The following WDR11 variants were observed in gnomAD, a reference collection of about 807,000 sequenced individuals.
WDR11 encodes the protein WD repeat domain 11, also known as WD repeat-containing protein 11.
WDR11 carries 83 observed loss-of-function variants against 151.2 expected under a neutral mutation model. The observed-to-expected ratio is 0.55, with a 90% confidence interval of 0.46 to 0.66. The LOEUF is 0.66. Ranked by LOEUF, WDR11 falls within the 30% of genes least tolerant of loss-of-function variation. The pLI is 0.00. For missense variants in WDR11, 1,301 were observed against 1,480.9 expected, an observed-to-expected ratio of 0.88 and a Z score of 1.99; for synonymous variants, 484 against 533.1, an observed-to-expected ratio of 0.91 and a Z score of 1.27.
Position 120,902,298 on chromosome 10 carries a change from T to G in WDR11, c.2729T>G (p.Leu910Trp), listed in dbSNP as rs1379256182. 1 of 1,614,026 alleles carries G rather than the reference T, an allele frequency of 6.2e-7. No individual in the cohort carries two copies. The highest frequency in any genetic ancestry group is 8.5e-7 in the Non-Finnish European group (1 of 1,179,994). The change falls in exon 22 of 29, where the codon TTG (leucine) becomes TGG (tryptophan). Residue 910 changes from leucine to tryptophan, a missense_variant. Leu to Trp is a moderately conservative substitution (Grantham distance 61, BLOSUM62 -2). Coordinates refer to ENST00000263461, the MANE Select transcript of WDR11 (RefSeq NM_018117.12). ...TTGCTTGATCCAGAATTCACTCTCTTGCAGAGGTGCCTGCTTGTTTCAAGG... is the reference window on the plus strand; with the variant it reads ...TTGCTTGATCCAGAATTCACTCTCTGGCAGAGGTGCCTGCTTGTTTCAAGG... The part of the protein sequence containing the change: ...KLLLDPEFTL[L>W]QRCLLVSRLY...
chr10:120,894,605 C>A (rs1281812716), intron 19 of WDR11, among the ~76,000 whole-genome samples: 1 of 152,162 alleles, frequency 6.6e-6, no homozygotes, highest in African/African-American at 2.4e-5. Context: ...CTTAATGTTG[C>A]CATTTCCAAG....
At chr10:120,892,814 C>T (rs777585355) in intron 19 of WDR11, among the ~76,000 whole-genome samples, 2 of 152,072 alleles carry the variant, frequency 1.3e-5, no homozygotes, top group Non-Finnish European at 2.9e-5. Context: ...CCTTTCTTAT[C>T]GGCTGCCTAA....
chr10:120,883,666 C>A, intron 13 of WDR11, 114 bp from the exon 14 acceptor site: 1 of 813,620 alleles, frequency 1.2e-6, no homozygotes, highest in Non-Finnish European at 2.1e-6. Flanking sequence ...TTTAAATTGT[C>A]TATATTTAGA....
chr10:120,904,616 CATA>C, intron 24 of WDR11, 27 bp from the exon 25 acceptor site: 1 of 1,613,716 alleles, frequency 6.2e-7, no homozygotes, highest in Non-Finnish European at 8.5e-7. Flanking sequence ...AAAATGTTCT[CATA>C]ATTAGAAAAA....
Position 120,852,608 on chromosome 10 carries a change from A to C in WDR11, c.171A>C (p.Leu57Phe), listed in dbSNP as rs530917765. 1.9e-6 allele frequency: 3 copies of C among 1,614,042 alleles called. No homozygotes were observed. Among genetic ancestry groups the C allele is most frequent in the Non-Finnish European group, 2.5e-6 (3 of 1,179,956 alleles). The change falls in exon 2 of 29, where the codon TTA becomes TTC. Residue 57 changes from leucine to phenylalanine, a missense_variant. Physicochemically the swap from Leu to Phe is conservative, Grantham distance 22. This residue lies in a region of WDR11 where 692 missense variants were observed against 762.5 expected (regional missense o/e 0.91). Coordinates refer to ENST00000263461, the MANE Select transcript of WDR11 (RefSeq NM_018117.12). Reference sequence around the variant, plus strand: ...TTACTGCCCAAACTCTTCAAGTTTTAGAAAAGCATAAAGCTGATGTTGTAA... The same window carrying C: ...TTACTGCCCAAACTCTTCAAGTTTTCGAAAAGCATAAAGCTGATGTTGTAA... ...DSITAQTLQVLEKHKADVVKV... is the reference protein window; with the variant it reads ...DSITAQTLQVFEKHKADVVKV...
At chr10:120,874,472 C>G (rs1006581168) in intron 11 of WDR11, among the ~76,000 whole-genome samples, 2 of 151,606 alleles carry the variant, frequency 1.3e-5, no homozygotes, top group Non-Finnish European at 2.9e-5. Flanking sequence ...ATACATGTGC[C>G]TTGGTGGTTT....
chr10:120,883,132 TTG>T (rs947460016), intron 13 of WDR11, among the ~76,000 whole-genome samples: 8 of 152,128 alleles, frequency 5.3e-5, no homozygotes, highest in African/African-American at 1.9e-4. Context: ...CTACTTTCTG[TTG>T]GGGTCACACA....
At position 120,906,827 on chromosome 10, in the gene WDR11, T is replaced by C; in HGVS notation, c.3489T>C (p.Tyr1163=). 6.2e-7 allele frequency: 1 copy of C among 1,614,204 alleles called. No individual in the cohort carries two copies. The part of the protein sequence containing the change: ...AALFVEACLK[Y]GAFEVTEDTE... Reference sequence around the variant, plus strand: ...TATTTGTGGAAGCTTGCCTCAAGTATGGAGCATTTGAAGTCACTGAGGACA... The same window carrying C: ...TATTTGTGGAAGCTTGCCTCAAGTACGGAGCATTTGAAGTCACTGAGGACA... The change falls in exon 28 of 29, where the codon TAT becomes TAC. Residue 1163 remains tyrosine (Y), a synonymous_variant. Transcript: ENST00000263461.
At chr10:120,853,278 T>G (rs1845842336) in intron 2 of WDR11, among the ~76,000 whole-genome samples, 1 of 152,080 alleles carries the variant, frequency 6.6e-6, no homozygotes, top group African/African-American at 2.4e-5. Flanking sequence ...GGATTTTTTT[T>G]TTTTTTAGAC....
intron 19 of WDR11, among the ~76,000 whole-genome samples, chr10:120,898,816 C>A (rs1847705447): frequency 6.9e-6 from 1 of 145,186 alleles, no homozygotes; most frequent in African/African-American, 2.6e-5. Context: ...GTCAATTAAA[C>A]CTCTTCTCTT....
intron 19 of WDR11, among the ~76,000 whole-genome samples, chr10:120,899,470 C>T (rs1273371906): frequency 6.6e-6 from 1 of 152,062 alleles, no homozygotes; most frequent in African/African-American, 2.4e-5. Context: ...GTATACCACA[C>T]AGGATACTTA....
At chr10:120,882,409 TTC>T (rs1484803546) in intron 13 of WDR11, among the ~76,000 whole-genome samples, 2 of 152,018 alleles carry the variant, frequency 1.3e-5, no homozygotes, top group Non-Finnish European at 2.9e-5. Context: ...TTGTAAAGTA[TTC>T]TCTCTCCTTT....
At chr10:120,875,925 CATT>C (rs1178646398) in intron 11 of WDR11, among the ~76,000 whole-genome samples, 2 of 151,268 alleles carry the variant, frequency 1.3e-5, no homozygotes, top group Non-Finnish European at 1.5e-5. Flanking sequence ...TTAGCAAACA[CATT>C]ATCCTGAGTA....
chr10:120,878,453 C>T lies in WDR11; in HGVS notation c.1657C>T (p.Pro553Ser). The change falls in exon 12 of 29, where the codon CCA becomes TCA. Residue 553 changes from proline (P) to serine (S), a missense_variant. Coordinates refer to ENST00000263461, the MANE Select transcript of WDR11 (RefSeq NM_018117.12). Reference protein sequence around the residue: ...VRNELQLVDLPTGRSIAFRGE... With the variant: ...VRNELQLVDLSTGRSIAFRGE... ...AAATGAACTTCAACTGGTTGATCTT[C>T]CAACAGGTTTGTTTTTAAAGATCCA... 6.2e-7 allele frequency: 1 copy of T among 1,611,936 alleles called. No individual in the cohort carries two copies. Among genetic ancestry groups the T allele is most frequent in the Non-Finnish European group, 8.5e-7 (1 of 1,178,438 alleles).
chr10:120,874,192 TGTTGTTGTTGTTGTTGTTTG>T (rs374230922), intron 11 of WDR11, among the ~76,000 whole-genome samples: 61 of 117,584 alleles, frequency 5.2e-4, no homozygotes, highest in East Asian at 1.8e-3. Context: ...TTTTTTTTTT[TGTTGTTGTTGTTGTTGTTTG>T]TTTTGTTTTG....
At chr10:120,889,524 GCC>G in intron 17 of WDR11, 1 of 396,372 alleles carries the variant, frequency 2.5e-6, no homozygotes, top group Non-Finnish European at 4.7e-6. Context: ...ACAGGCAGGA[GCC>G]AGCACACCCG....
At chr10:120,905,579 T>C (rs529254705) in intron 26 of WDR11, 163 bp downstream of exon 26, 1 of 804,034 alleles carries the variant, frequency 1.2e-6, no homozygotes, top group South Asian at 1.6e-5. Context: ...TGAGTGTAAA[T>C]TGCATTACTT....
At chr10:120,866,347 C>G (rs1391080645) in intron 7 of WDR11, among the ~76,000 whole-genome samples, 2 of 146,978 alleles carry the variant, frequency 1.4e-5, no homozygotes, top group Non-Finnish European at 3.0e-5. Context: ...AAAAAGATAT[C>G]TTGATTATAG....
At chr10:120,874,542 T>C (rs1416199020) in intron 11 of WDR11, among the ~76,000 whole-genome samples, 2 of 151,746 alleles carry the variant, frequency 1.3e-5, no homozygotes, top group Non-Finnish European at 2.9e-5. Flanking sequence ...CTATTTGTCC[T>C]GATGCTCTCC....
Sources: gnomAD v4.1 joint callset for allele counts (sites outside exome capture counted in the v4.1 genomes callset) on GRCh38, gnomAD v4.1.1 for gene constraint, gnomAD v4.1.1 regional missense constraint, MANE v1.5 for transcripts, NCBI Gene and HGNC (gene_info 2026-07-23, HGNC 2026-07-21) for gene names.